REL: variants seen among roughly 807,000 people sequenced by gnomAD.
REL encodes REL proto-oncogene, NF-kB subunit.
REL carries 15 observed loss-of-function variants against 45.9 expected under a neutral mutation model. The ratio of observed to expected loss-of-function variants is 0.33; its 90% CI spans 0.22 to 0.50. REL has a LOEUF of 0.50. Among genes scored for constraint, REL ranks in the 20% least tolerant of loss-of-function variants. The probability of loss-of-function intolerance (pLI) is 0.98; values close to 1 mark genes in which losing one functional copy is unlikely to be tolerated. For synonymous variants in REL, 239 were observed against 242.1 expected, an observed-to-expected ratio of 0.99 and a Z score of 0.12; for missense variants, 601 against 715.2, an observed-to-expected ratio of 0.84 and a Z score of 1.82.
intron 2 of REL, among the ~76,000 whole-genome samples, chr2:60,892,867 G>A (rs1247544145): frequency 2.0e-5 from 3 of 151,678 alleles, no homozygotes; most frequent in East Asian, 1.9e-4. Context: ...CAGTTCTCCC[G>A]TCTCAGCCTC....
rs78037521 is a variant in REL, at chr2:60,924,848, TCA to T, written c.*2314_*2315del. On this transcript the variant is annotated 3_prime_UTR_variant, in exon 10 of 10. Transcript: ENST00000394479. ...AGCTCCTTAATCAGATTTAAAATTC[TCA>T]GTGTTTCCTAGTTGTTTCTGCATAC... is the stretch of plus-strand genomic sequence containing the variant. 3,033 of 211,590 alleles carry T rather than the reference TCA, an allele frequency of 0.014. 141 individuals carry two copies. The highest frequency in any genetic ancestry group is 0.12 in the East Asian group (1,747 of 14,160). 13.1% of individuals were successfully genotyped at this position (211,590 alleles called of 1,614,324 possible). A position where few individuals can be genotyped will look rare whatever the true frequency, so the allele number is the denominator to read the frequency against.
chr2:60,902,533 GT>G (rs56336137), intron 4 of REL, among the ~76,000 whole-genome samples: 10 of 139,870 alleles, frequency 7.1e-5, no homozygotes, highest in South Asian at 2.4e-4. Context: ...TTACAAATCT[GT>G]TTTTTTTTTT....
At chr2:60,889,901 A>G (rs1014804700) in intron 1 of REL, among the ~76,000 whole-genome samples, 7 of 152,204 alleles carry the variant, frequency 4.6e-5, no homozygotes, top group South Asian at 4.1e-4. Flanking sequence ...GAGTGCCGCA[A>G]TAAACATACT....
intron 4 of REL, chr2:60,911,541 A>T (rs1254183222): frequency 6.6e-6 from 1 of 152,224 alleles, no homozygotes; most frequent in Non-Finnish European, 1.5e-5. Context: ...ACTGGAAAAC[A>T]TCATTAAAAC....
chr2:60,894,860 T>C (rs1673309859), intron 3 of REL, among the ~76,000 whole-genome samples: 3 of 149,202 alleles, frequency 2.0e-5, no homozygotes, highest in African/African-American at 7.4e-5. Flanking sequence ...TCTTTTTTTT[T>C]TTTTTTTTTT....
chr2:60,920,344 G>A, intron 8 of REL: 1 of 617,426 alleles, frequency 1.6e-6, no homozygotes, highest in Non-Finnish European at 2.9e-6. Flanking sequence ...GAGATTACAG[G>A]CATGTGCCAC....
intron 4 of REL, among the ~76,000 whole-genome samples, chr2:60,911,730 G>A (rs1673818490): frequency 6.6e-6 from 1 of 152,012 alleles, no homozygotes; most frequent in Non-Finnish European, 1.5e-5. Context: ...GCCGGGCGTG[G>A]TAGCTCACAC....
intron 1 of REL, among the ~76,000 whole-genome samples, chr2:60,887,919 T>G (rs1175617355): frequency 6.6e-6 from 1 of 151,476 alleles, no homozygotes; most frequent in East Asian, 1.9e-4. Context: ...TTGTTGTTGT[T>G]TTTGTGTTTT....
At chr2:60,903,963 G>A (rs1305902892) in intron 4 of REL, among the ~76,000 whole-genome samples, 1 of 152,054 alleles carries the variant, frequency 6.6e-6, no homozygotes, top group Non-Finnish European at 1.5e-5. Flanking sequence ...CACTGGGCCC[G>A]ACTCAGGCAT....
intron 2 of REL, among the ~76,000 whole-genome samples, chr2:60,893,527 T>A (rs1312494724): frequency 1.3e-5 from 2 of 152,230 alleles, no homozygotes; most frequent in African/African-American, 4.8e-5. Context: ...TATGTATTTT[T>A]ACCATTCCAG....
intron 9 of REL, 47 bp from the exon 10 acceptor site, chr2:60,921,716 T>A (rs1347854137): frequency 6.7e-7 from 1 of 1,499,208 alleles, no homozygotes; most frequent in East Asian, 2.3e-5. Flanking sequence ...ATGCTTTTTA[T>A]AATTTTGTTC....
chr2:60,884,763 C>A (rs1193793402), intron 1 of REL, among the ~76,000 whole-genome samples: 1 of 152,094 alleles, frequency 6.6e-6, no homozygotes, highest in Non-Finnish European at 1.5e-5. Flanking sequence ...TCTTCTGTGT[C>A]ACACAATAGG....
intron 1 of REL, among the ~76,000 whole-genome samples, chr2:60,890,901 G>A (rs1673192744): frequency 6.6e-6 from 1 of 152,152 alleles, no homozygotes; most frequent in African/African-American, 2.4e-5. Context: ...TACAGTATGT[G>A]CTCTTCTGGT....
intron 3 of REL, among the ~76,000 whole-genome samples, chr2:60,897,609 A>G (rs1040608364): frequency 2.0e-5 from 3 of 151,896 alleles, no homozygotes; most frequent in Non-Finnish European, 2.9e-5. Flanking sequence ...TGCCTGGCCA[A>G]CTTGTGCTTT....
intron 1 of REL, among the ~76,000 whole-genome samples, chr2:60,887,079 A>G (rs777320615): frequency 6.6e-6 from 1 of 152,162 alleles, no homozygotes; most frequent in African/African-American, 2.4e-5. Flanking sequence ...TTCCTGATTT[A>G]TGTTTTACCC....
intron 4 of REL, among the ~76,000 whole-genome samples, chr2:60,913,159 C>T (rs1673867891): frequency 6.6e-6 from 1 of 151,758 alleles, no homozygotes; most frequent in Non-Finnish European, 1.5e-5. Flanking sequence ...CTCCAGTAAA[C>T]TCTCAATCTT....
In REL at chr2:60,895,184, T is replaced by TATG. The variant is rs200997568; in HGVS notation, c.302+641_302+642insGAT. Among the ~76,000 whole-genome samples, 4 of 151,332 alleles carry TATG rather than the reference T, an allele frequency of 2.6e-5. No individual in the cohort carries two copies. In the East Asian group the frequency reaches 7.8e-4, roughly 29 times the overall value. ...TCTGTCTTTTCATTTATAGTTAACT[T>TATG]ATTATTATTATTATTTTGAGACAAG... On this transcript the variant is annotated intron_variant, in intron 3 of 9. Coordinates refer to ENST00000394479, the MANE Select transcript of REL (RefSeq NM_001291746.2).
intron 4 of REL, chr2:60,911,273 A>G (rs1385386647): frequency 6.6e-6 from 1 of 152,158 alleles, no homozygotes; most frequent in Non-Finnish European, 1.5e-5. Flanking sequence ...AGATATATAA[A>G]TGGATTATTT....
chr2:60,891,352 G>A (rs35199568), intron 1 of REL, among the ~76,000 whole-genome samples: 84 of 152,278 alleles, frequency 5.5e-4, no homozygotes, highest in African/African-American at 1.9e-3. Context: ...AAACCCTTCT[G>A]CTAGGTCTCA....
Sources: allele counts gnomAD v4.1 joint callset (sites outside exome capture counted in the v4.1 genomes callset), GRCh38; gene constraint gnomAD v4.1.1; transcripts MANE v1.5; gene names NCBI Gene and HGNC (gene_info 2026-07-23, HGNC 2026-07-21).